Variants in IRAG1 observed in about 807,000 individuals in gnomAD.
The protein encoded by IRAG1 is IP3R-associated cGMP kinase substrate.
IRAG1 carries 62 observed loss-of-function variants against 106.2 expected under a neutral mutation model. The ratio of observed to expected loss-of-function variants is 0.58; its 90% CI spans 0.48 to 0.72. The LOEUF is 0.72. Ranked by LOEUF, IRAG1 falls within the 30% of genes least tolerant of loss-of-function variation. The pLI, the probability that IRAG1 is intolerant of heterozygous loss-of-function variation, is 0.00. For missense variants in IRAG1, 1,064 were observed against 1,140.7 expected (o/e 0.93, Z 0.97); for synonymous variants, 462 against 443.9 (o/e 1.04, Z -0.51).
At chr11:10,672,561 G>A (rs779153607) in intron 1 of IRAG1, among the ~76,000 whole-genome samples, 8 of 152,094 alleles carry the variant, frequency 5.3e-5, no homozygotes, top group Non-Finnish European at 1.0e-4. Context: ...TGACCAATAA[G>A]CACATGAACA....
At position 10,586,416 on chromosome 11, in the gene IRAG1, CT is replaced by C. The variant is rs1215933252; in HGVS notation, c.2241-4431del. On this transcript the variant is annotated intron_variant, in intron 18 of 20. Coordinates refer to ENST00000423302, the MANE Select transcript of IRAG1 (RefSeq NM_130385.4). Reference sequence around the variant, plus strand: ...ACCCTCTGGTTAAAGTTGATCTCTCCTTTTTTTTTTTTTTTCCTTGAGACAG... The same window carrying C: ...ACCCTCTGGTTAAAGTTGATCTCTCCTTTTTTTTTTTTTTCCTTGAGACAG... 2.3e-3 allele frequency among the ~76,000 whole-genome samples: 324 copies of C among 140,914 alleles called. 2 individuals are homozygous for C. Among genetic ancestry groups the C allele is most frequent in the African/African-American group, 3.0e-3 (115 of 38,268 alleles). The allele number at this position is 140,914 out of a possible 152,430, so 92.4% of individuals were successfully genotyped here.
intron 1 of IRAG1, among the ~76,000 whole-genome samples, chr11:10,686,625 A>G (rs716383): frequency 0.2 from 29,998 of 151,988 alleles, 4,271 homozygotes; most frequent in East Asian, 0.76. Context: ...TTGTTCTTAT[A>G]GGGGCAGGAA....
intron 11 of IRAG1, among the ~76,000 whole-genome samples, chr11:10,608,942 T>C (rs1489770602): frequency 1.3e-5 from 2 of 152,236 alleles, no homozygotes; most frequent in Admixed American, 6.5e-5. Context: ...AAGAGTCTTA[T>C]AGTGTTCTCT....
intron 1 of IRAG1, 49 bp downstream of exon 1, chr11:10,693,487 G>T (rs150327526): frequency 9.1e-6 from 14 of 1,534,712 alleles, no homozygotes; most frequent in South Asian, 1.2e-5. Flanking sequence ...GGTTCCCTCC[G>T]CTTCCCAGCC....
Position 10,693,614 on chromosome 11 carries a change from G to A in IRAG1, c.-12C>T, listed in dbSNP as rs1404810651. On this transcript the variant is annotated 5_prime_UTR_variant, in exon 1 of 21. Transcript: ENST00000423302. ...GGAGCTTTTACCATTTAAGGTCAAT[G>A]TTACATCTGGCTCCGGAGCTCAGAG... 1 of 1,534,600 alleles carries A rather than the reference G, an allele frequency of 6.5e-7. No homozygotes were observed. Among genetic ancestry groups the A allele is most frequent in the African/African-American group, 1.4e-5 (1 of 73,016 alleles).
chr11:10,625,823 C>G, intron 9 of IRAG1, 143 bp downstream of exon 9: 1 of 806,104 alleles, frequency 1.2e-6, no homozygotes, highest in Non-Finnish European at 1.7e-6. Flanking sequence ...CCTGACTTCT[C>G]AGAGTGGGAA....
At chr11:10,651,470 A>C (rs1215497166) in intron 2 of IRAG1, among the ~76,000 whole-genome samples, 1 of 152,256 alleles carries the variant, frequency 6.6e-6, no homozygotes, top group Non-Finnish European at 1.5e-5. Context: ...ATTAGCACAT[A>C]ACCTATATTT....
intron 1 of IRAG1, among the ~76,000 whole-genome samples, chr11:10,677,232 C>T (rs1860754875): frequency 6.6e-6 from 1 of 152,188 alleles, no homozygotes; most frequent in South Asian, 2.1e-4. Context: ...TTCTTTCTTA[C>T]CTACCTGCCA....
chr11:10,626,155 G>C lies in IRAG1; in HGVS notation c.1179C>G (p.Leu393=), dbSNP rs2241489. 6.5e-6 allele frequency: 10 copies of C among 1,538,546 alleles called. No individual in the cohort carries two copies. Among genetic ancestry groups the C allele is most frequent in the African/African-American group, 2.8e-5 (2 of 72,360 alleles). Residue 393 remains leucine (L), a synonymous_variant, in exon 9 of 21, where the codon CTC becomes CTG. Transcript: ENST00000423302. The part of the protein sequence containing the change: ...TVSRPPLLRG[L]SWDSGPEEPG... ...GTTCTTCAGGGCCACTGTCCCAGGA[G>C]AGCCCTCGCAGCAGCGGGGGCCGGG...
intron 1 of IRAG1, among the ~76,000 whole-genome samples, chr11:10,669,677 C>T (rs1345718603): frequency 1.3e-5 from 2 of 152,222 alleles, no homozygotes; most frequent in Non-Finnish European, 2.9e-5. Flanking sequence ...AAGTCCATCC[C>T]TTCCTTGAGC....
rs1187810955 is a variant in IRAG1, at chr11:10,693,564, T to A, written c.39A>T (p.Arg13Ser). ...KAPQSEERLA[R>S]GGKENNSVLA... The stretch of plus-strand genomic sequence containing the variant: ...AAACTGAGTTATTCTCCTTTCCTCC[T>A]CTGGCCAGCCTCTCTTCACTCTGGG... The change falls in exon 1 of 21, where the codon AGA (arginine) becomes AGT (serine). Residue 13 changes from arginine to serine, a missense_variant. By Grantham distance (110) the Arg-to-Ser change is moderately radical. Transcript: ENST00000423302. The A allele has an allele frequency of 1.3e-6, 2 of 1,535,570 alleles. No individual in the cohort carries two copies. Among genetic ancestry groups the A allele is most frequent in the East Asian group, 4.9e-5 (2 of 40,918 alleles).
intron 15 of IRAG1, among the ~76,000 whole-genome samples, chr11:10,600,667 G>A (rs1245991100): frequency 1.3e-5 from 2 of 152,166 alleles, no homozygotes; most frequent in African/African-American, 2.4e-5. Flanking sequence ...TTGTATCCAT[G>A]GTCAGCCACT....
At chr11:10,614,080 A>G (rs1409989729) in intron 10 of IRAG1, among the ~76,000 whole-genome samples, 2 of 152,042 alleles carry the variant, frequency 1.3e-5, no homozygotes, top group Non-Finnish European at 1.5e-5. Flanking sequence ...CCAACCCTAA[A>G]CATACTGAGG....
chr11:10,618,423 T>C (rs1031171072), intron 10 of IRAG1, among the ~76,000 whole-genome samples: 1 of 152,342 alleles, frequency 6.6e-6, no homozygotes, highest in South Asian at 2.1e-4. Context: ...TAATGTTTAT[T>C]GAGTGTTTAC....
chr11:10,661,073 T>C (rs1331611118), intron 1 of IRAG1, among the ~76,000 whole-genome samples: 1 of 145,332 alleles, frequency 6.9e-6, no homozygotes, highest in Non-Finnish European at 1.5e-5. Flanking sequence ...TCCTTGAGGA[T>C]TGATTCCCTT....
At chr11:10,588,248 G>A (rs1475318591) in intron 18 of IRAG1, among the ~76,000 whole-genome samples, 3 of 152,146 alleles carry the variant, frequency 2.0e-5, no homozygotes, top group Admixed American at 6.5e-5. Flanking sequence ...TTTGTCACAT[G>A]GACAAAGCCT....
At chr11:10,598,122 C>T (rs955223076) in intron 15 of IRAG1, among the ~76,000 whole-genome samples, 2 of 152,208 alleles carry the variant, frequency 1.3e-5, no homozygotes, top group Non-Finnish European at 2.9e-5. Context: ...ACGCCCTTAA[C>T]TTTCTGTGGG....
chr11:10,626,717 T>C, intron 8 of IRAG1, 134 bp from the exon 9 acceptor site: 10 of 1,058,138 alleles, frequency 9.5e-6, no homozygotes, highest in Non-Finnish European at 1.3e-5. Context: ...GTATGGGGTA[T>C]GAGTGGACGA....
intron 3 of IRAG1, 82 bp downstream of exon 3, chr11:10,633,886 G>T: frequency 2.7e-6 from 2 of 751,012 alleles, no homozygotes; most frequent in South Asian, 3.0e-5. Context: ...AAAAAGAAAA[G>T]ATTTATTTAA....
Sources: gnomAD v4.1 joint callset for allele counts (sites outside exome capture counted in the v4.1 genomes callset) on GRCh38, gnomAD v4.1.1 for gene constraint, MANE v1.5 for transcripts, NCBI Gene and HGNC (gene_info 2026-07-23, HGNC 2026-07-21) for gene names.